XIRP2: variants seen among roughly 807,000 people sequenced by gnomAD.
The protein encoded by XIRP2 is xin actin binding repeat containing 2, also known as xin actin-binding repeat-containing protein 2.
In XIRP2, 236 loss-of-function variants were observed where a neutral mutation model predicts 277.0. The ratio of observed to expected loss-of-function variants is 0.85; its 90% CI spans 0.77 to 0.95. XIRP2 has a LOEUF of 0.95. Ranked by LOEUF, XIRP2 falls within the 40% of genes least tolerant of loss-of-function variation. The probability of loss-of-function intolerance (pLI) is 0.00; values close to 1 mark genes in which losing one functional copy is unlikely to be tolerated. For synonymous variants in XIRP2, 1,490 were observed against 1,416.5 expected (o/e 1.05, Z -1.17); for missense variants, 4,640 against 4,157.5 (o/e 1.12, Z -3.19).
chr2:167,092,347 A>G lies in XIRP2; in HGVS notation c.409-43562A>G, dbSNP rs369407583. On this transcript the variant is annotated intron_variant, in intron 2 of 10. Transcript: ENST00000409195. ...CTTAATTTTTCCATCTGCAAGTGGT[A>G]TTTTCATGCTTGAGGAAGAAAGTCT... 8.5e-5 allele frequency among the ~76,000 whole-genome samples: 13 copies of G among 152,086 alleles called. No homozygotes were observed. The East Asian group carries it at 2.5e-3, about 29-fold the overall frequency.
intron 2 of XIRP2, among the ~76,000 whole-genome samples, chr2:166,911,804 G>T (rs1208878148): frequency 6.6e-6 from 1 of 152,130 alleles, no homozygotes; most frequent in African/African-American, 2.4e-5. Context: ...GGGCAGGCCT[G>T]GTGGTGACAA....
chr2:167,102,315 T>C (rs1168434370), intron 2 of XIRP2, among the ~76,000 whole-genome samples: 1 of 152,170 alleles, frequency 6.6e-6, no homozygotes, highest in Non-Finnish European at 1.5e-5. Context: ...AAGAAGTCCT[T>C]TGGGATTATG....
chr2:167,011,076 C>G (rs2105470309), intron 2 of XIRP2, among the ~76,000 whole-genome samples: 1 of 151,552 alleles, frequency 6.6e-6, no homozygotes, highest in Admixed American at 6.6e-5. Context: ...CTTCTCCTGC[C>G]TAATTGCCCT....
intron 1 of XIRP2, among the ~76,000 whole-genome samples, chr2:166,892,779 C>T (rs1684135905): frequency 6.7e-6 from 1 of 149,840 alleles, no homozygotes; most frequent in African/African-American, 2.5e-5. Context: ...ACATCACTTG[C>T]AGTCAGCCTC....
intron 2 of XIRP2, among the ~76,000 whole-genome samples, chr2:166,933,347 G>T (rs563860099): frequency 6.6e-6 from 1 of 151,746 alleles, no homozygotes; most frequent in South Asian, 2.1e-4. Flanking sequence ...ATGGGGTTTT[G>T]CCGTGTTAGC....
At chr2:167,009,565 T>C (rs1369644607) in intron 2 of XIRP2, among the ~76,000 whole-genome samples, 3 of 152,104 alleles carry the variant, frequency 2.0e-5, no homozygotes, top group Non-Finnish European at 4.4e-5. Flanking sequence ...TTTACAGTCC[T>C]TTGGGTATAT....
chr2:166,940,151 A>G (rs534982114), intron 2 of XIRP2, among the ~76,000 whole-genome samples: 20 of 152,092 alleles, frequency 1.3e-4, no homozygotes, highest in Admixed American at 9.8e-4. Context: ...GTTTCTTTTT[A>G]TTCTTTTTTC....
At chr2:167,199,980 C>T (rs1693633672) in intron 3 of XIRP2, among the ~76,000 whole-genome samples, 1 of 152,036 alleles carries the variant, frequency 6.6e-6, no homozygotes, top group Admixed American at 6.6e-5. Flanking sequence ...CTGTAAGAAA[C>T]AGAATTATGT....
At chr2:167,147,716 G>C (rs60461467) in intron 3 of XIRP2, among the ~76,000 whole-genome samples, 2,466 of 152,226 alleles carry the variant, frequency 0.016, 71 homozygotes, top group African/African-American at 0.057. Flanking sequence ...CTCAGACTCT[G>C]CCCTATGCCT....
At chr2:167,252,897 T>G (rs546127010) in intron 9 of XIRP2, among the ~76,000 whole-genome samples, 1 of 152,104 alleles carries the variant, frequency 6.6e-6, no homozygotes, top group Non-Finnish European at 1.5e-5. Context: ...TGGTTCTTAA[T>G]GTGCTTGCTT....
At chr2:166,912,337 TCTC>T (rs1435610388) in intron 2 of XIRP2, among the ~76,000 whole-genome samples, 2 of 152,208 alleles carry the variant, frequency 1.3e-5, no homozygotes, top group Non-Finnish European at 2.9e-5. Flanking sequence ...AAACTTCTCT[TCTC>T]GCTTCATTTC....
intron 2 of XIRP2, among the ~76,000 whole-genome samples, chr2:167,011,466 CG>C (rs1202374674): frequency 6.6e-6 from 1 of 151,240 alleles, no homozygotes; most frequent in African/African-American, 2.4e-5. Flanking sequence ...CTGCTGGATT[CG>C]GTTTGCCAGT....
At chr2:167,101,251 G>T (rs1396269559) in intron 2 of XIRP2, among the ~76,000 whole-genome samples, 3 of 152,100 alleles carry the variant, frequency 2.0e-5, no homozygotes, top group Admixed American at 1.3e-4. Context: ...TAAAAATTAA[G>T]GTATAAAACT....
At chr2:167,085,560 A>G (rs574605048) in intron 2 of XIRP2, among the ~76,000 whole-genome samples, 1 of 152,214 alleles carries the variant, frequency 6.6e-6, no homozygotes, top group Non-Finnish European at 1.5e-5. Flanking sequence ...GTCTCCCATT[A>G]TTAATATGTG....
rs1024011544 is a variant in XIRP2 at position 166,985,720 on chromosome 2, C to T, written c.408+81830C>T. On this transcript the variant is annotated intron_variant, in intron 2 of 10. Transcript: ENST00000409195. ...CTGGGATTACAGGCATGAGCCACCG[C>T]GCCCGGCCTAAAAATATTTTCTAAC... 5.3e-5 allele frequency among the ~76,000 whole-genome samples: 8 copies of T among 152,034 alleles called. No homozygotes were observed. In the East Asian group the frequency reaches 7.7e-4, roughly 15 times the overall value.
chr2:166,980,304 G>A (rs538166937), intron 2 of XIRP2, among the ~76,000 whole-genome samples: 3 of 152,072 alleles, frequency 2.0e-5, no homozygotes, highest in Non-Finnish European at 4.4e-5. Context: ...TATGGACAGA[G>A]TAGTTGGGTC....
chr2:167,054,222 T>C (rs182485478), intron 2 of XIRP2, among the ~76,000 whole-genome samples: 1 of 152,324 alleles, frequency 6.6e-6, no homozygotes, highest in African/African-American at 2.4e-5. Context: ...CCTTACTGTA[T>C]CTCTATTTTC....
Position 167,243,180 on chromosome 2 carries a change from A to C in XIRP2, c.1788A>C (p.Glu596Asp). ...LDSINNGSPDEGDISRGIADQ... is the reference protein window; with the variant it reads ...LDSINNGSPDDGDISRGIADQ... Reference sequence around the variant, plus strand: ...CCATCAACAATGGCTCTCCTGATGAAGGTGATATTTCCAGGGGCATTGCTG... The same window carrying C: ...CCATCAACAATGGCTCTCCTGATGACGGTGATATTTCCAGGGGCATTGCTG... The change falls in exon 9 of 11, where the codon GAA becomes GAC. Residue 596 changes from glutamate (E) to aspartate (D), a missense_variant. Physicochemically the swap from Glu to Asp is conservative, Grantham distance 45. Transcript: ENST00000409195. 1.9e-6 allele frequency: 3 copies of C among 1,614,166 alleles called. No homozygotes were observed. The highest frequency in any genetic ancestry group is 2.5e-6 in the Non-Finnish European group (3 of 1,180,010).
Position 167,191,782 on chromosome 2 carries a change from G to A in XIRP2, c.563-18953G>A, listed in dbSNP as rs530346337. On this transcript the variant is annotated intron_variant, in intron 3 of 10. Transcript: ENST00000409195. Reference sequence around the variant, plus strand: ...TAGATCTTTGTCTTTTACATTTTTCGAATAGTATGCAGATTATATCCTTGT... The same window carrying A: ...TAGATCTTTGTCTTTTACATTTTTCAAATAGTATGCAGATTATATCCTTGT... Among the ~76,000 whole-genome samples, 30 of 151,958 alleles carry A rather than the reference G, an allele frequency of 2.0e-4. 1 individual carries two copies. Among genetic ancestry groups the A allele is most frequent in the African/African-American group, 4.6e-4 (19 of 41,442 alleles).
Sources: gnomAD v4.1 joint callset for allele counts (sites outside exome capture counted in the v4.1 genomes callset) on GRCh38, gnomAD v4.1.1 for gene constraint, MANE v1.5 for transcripts, NCBI Gene and HGNC (gene_info 2026-07-23, HGNC 2026-07-21) for gene names.